The following ABLIM1 variants were observed in gnomAD, a reference collection of about 807,000 sequenced individuals.
The protein encoded by ABLIM1 is actin binding LIM protein 1.
ABLIM1 carries 40 observed loss-of-function variants against 107.0 expected under a neutral mutation model. The ratio of observed to expected loss-of-function variants is 0.37; its 90% CI spans 0.29 to 0.49. The LOEUF is 0.49. Among genes scored for constraint, ABLIM1 ranks in the 20% least tolerant of loss-of-function variants. The pLI is 0.97. For synonymous variants in ABLIM1, 357 were observed against 357.3 expected, an observed-to-expected ratio of 1.00 and a Z score of 0.01; for missense variants, 857 against 1,008.5, an observed-to-expected ratio of 0.85 and a Z score of 2.04.
At chr10:114,439,384 T>G in intron 20 of ABLIM1, 134 bp from the exon 21 acceptor site, 1 of 894,782 alleles carries the variant, frequency 1.1e-6, no homozygotes, top group East Asian at 2.6e-5. Flanking sequence ...TAAATGACCA[T>G]GTATTTTTCA....
intron 8 of ABLIM1, among the ~76,000 whole-genome samples, chr10:114,475,772 T>C (rs555988778): frequency 2.8e-4 from 43 of 152,320 alleles, no homozygotes; most frequent in East Asian, 7.7e-4. Flanking sequence ...AGGAAACTTA[T>C]GAACTAGGAT....
chr10:114,521,188 T>G (rs774795586), intron 6 of ABLIM1, among the ~76,000 whole-genome samples: 45 of 152,214 alleles, frequency 3.0e-4, no homozygotes, highest in Non-Finnish European at 5.6e-4. Context: ...GGTCAGGCAC[T>G]GGACACCTGA....
intron 1 of ABLIM1, chr10:114,632,005 C>G: frequency 7.7e-7 from 1 of 1,295,992 alleles, no homozygotes. Flanking sequence ...GACAGATCCG[C>G]GGGCGCTGGG....
At chr10:114,693,211 G>C (rs1369852479) in intron 1 of ABLIM1, among the ~76,000 whole-genome samples, 1 of 152,172 alleles carries the variant, frequency 6.6e-6, no homozygotes, top group East Asian at 1.9e-4. Flanking sequence ...TTCTGGGTCC[G>C]ACTTCCACCA....
chr10:114,436,354 A>G lies in ABLIM1; in HGVS notation c.2243T>C (p.Val748Ala). 1.9e-6 allele frequency: 3 copies of G among 1,613,694 alleles called. No individual in the cohort carries two copies. Among genetic ancestry groups the G allele is most frequent in the Non-Finnish European group, 2.5e-6 (3 of 1,179,832 alleles). ...TRLERHLAPE[V>A]FREIFGMSIQ... The stretch of plus-strand genomic sequence containing the variant: ...GGACATTCCAAAGATTTCCCGAAAC[A>G]CTTCAGGGGCTAAGTGGCGCTGGGA... The change falls in exon 23 of 23, where the codon GTG becomes GCG. Residue 748 changes from valine to alanine, a missense_variant. Around this residue, in one of 5 missense-constraint regions of ABLIM1, gnomAD observed 193 missense variants for 208.5 expected, o/e 0.93. Transcript: ENST00000533213.
intron 2 of ABLIM1, among the ~76,000 whole-genome samples, chr10:114,579,612 C>A (rs182287192): frequency 5.9e-5 from 9 of 151,994 alleles, no homozygotes; most frequent in Admixed American, 2.0e-4. Flanking sequence ...AAAAATTTAC[C>A]ATCTTAATCA....
the ABLIM1 span, among the ~76,000 whole-genome samples, chr10:114,774,387 G>T: frequency 6.6e-6 from 1 of 152,188 alleles, no homozygotes; most frequent in South Asian, 2.1e-4. Flanking sequence ...GAGCTCAGTG[G>T]TCTCACTGAG....
Position 114,545,094 on chromosome 10 carries a change from C to T in ABLIM1, c.805G>A (p.Gly269Ser). Residue 269 changes from glycine (G) to serine (S), a missense_variant, in exon 6 of 23, where the codon GGT (glycine) becomes AGT (serine). This residue lies in a region of ABLIM1 where 381 missense variants were observed against 506.9 expected (regional missense o/e 0.75). Transcript: ENST00000533213. ...VLTGEYISKD[G>S]APYCEKDYQG... ...TAGTCCTTTTCACAGTACGGAGCAC[C>T]ATCCCTGCAAGACAAAAACGTGTTC... 6.2e-7 allele frequency: 1 copy of T among 1,614,124 alleles called. No individual in the cohort carries two copies.
intron 4 of ABLIM1, among the ~76,000 whole-genome samples, chr10:114,563,425 T>C (rs1465142873): frequency 6.6e-6 from 1 of 152,208 alleles, no homozygotes; most frequent in Non-Finnish European, 1.5e-5. Flanking sequence ...GTTTTCATTT[T>C]CTTGGTAGTG....
chr10:114,472,714 C>T (rs2066829969), intron 10 of ABLIM1, among the ~76,000 whole-genome samples: 1 of 151,896 alleles, frequency 6.6e-6, no homozygotes, highest in Admixed American at 6.6e-5. Context: ...CAATCCCCAC[C>T]CCCTCCCCAC....
chr10:114,738,490 G>A (rs748561892), intron 1 of ABLIM1, among the ~76,000 whole-genome samples: 1 of 152,154 alleles, frequency 6.6e-6, no homozygotes, highest in Non-Finnish European at 1.5e-5. Context: ...ATGTGCACAA[G>A]ATCTAAAGCA....
At chr10:114,672,617 T>G (rs1260042300) in intron 1 of ABLIM1, among the ~76,000 whole-genome samples, 2 of 152,246 alleles carry the variant, frequency 1.3e-5, no homozygotes, top group Non-Finnish European at 2.9e-5. Context: ...GATGAACAAC[T>G]CCTAATGTTA....
Position 114,611,238 on chromosome 10 carries a change from G to A in ABLIM1, c.245-9277C>T, listed in dbSNP as rs187402709. ...TCCCAACATTTTGGGAGGCCAAGGC[G>A]GGTGGATCACCTGATGTCGGGAGTC... On this transcript the variant is annotated intron_variant, in intron 1 of 22. Transcript: ENST00000533213. Among the ~76,000 whole-genome samples the A allele has an allele frequency of 4.3e-3, 654 of 152,258 alleles. 6 individuals carry two copies. Among genetic ancestry groups the A allele is most frequent in the African/African-American group, 0.015 (623 of 41,554 alleles).
At chr10:114,610,426 G>C (rs1384798058) in intron 1 of ABLIM1, among the ~76,000 whole-genome samples, 1 of 152,142 alleles carries the variant, frequency 6.6e-6, no homozygotes, top group African/African-American at 2.4e-5. Flanking sequence ...CTACGTTTGA[G>C]AGAGACTGCT....
In ABLIM1 at chr10:114,563,686, CA is replaced by C. The variant is rs952623106; in HGVS notation, c.673+7610del. 7.6e-5 allele frequency among the ~76,000 whole-genome samples: 11 copies of C among 145,634 alleles called. 1 individual carries two copies. Among genetic ancestry groups the C allele is most frequent in the African/African-American group, 2.3e-4 (9 of 39,680 alleles). ...CCTGTCTCTACAAAAAATACACACG[CA>C]AAAAAAAAATTAGCCAGTCGTGGTG... On this transcript the variant is annotated intron_variant, in intron 4 of 22. Coordinates refer to ENST00000533213, the MANE Select transcript of ABLIM1 (RefSeq NM_002313.7).
intron 1 of ABLIM1, chr10:114,690,613 T>C (rs2081054707): frequency 1.2e-6 from 1 of 801,362 alleles, no homozygotes; most frequent in Non-Finnish European, 2.2e-6. Context: ...TTGATGGCAA[T>C]GTTGAAGAAC....
At chr10:114,794,412 G>A in the ABLIM1 span, among the ~76,000 whole-genome samples, 1 of 152,114 alleles carries the variant, frequency 6.6e-6, no homozygotes, top group African/African-American at 2.4e-5. Flanking sequence ...CACATAATAA[G>A]TACTCAGTAA....
At chr10:114,681,143 TA>T (rs1229512802) in intron 1 of ABLIM1, among the ~76,000 whole-genome samples, 2 of 152,220 alleles carry the variant, frequency 1.3e-5, no homozygotes, top group African/African-American at 4.8e-5. Flanking sequence ...CATTACCTTA[TA>T]TATGGAAAAT....
chr10:114,687,220 AATAAG>A (rs1227057273), upstream of ABLIM1, among the ~76,000 whole-genome samples: 2 of 152,242 alleles, frequency 1.3e-5, no homozygotes, highest in Non-Finnish European at 2.9e-5. Context: ...CTAAGAGATA[AATAAG>A]ATAAGAAGCA....
Sources: allele counts gnomAD v4.1 joint callset (sites outside exome capture counted in the v4.1 genomes callset), GRCh38; gene constraint gnomAD v4.1.1; regional missense constraint gnomAD v4.1.1; transcripts MANE v1.5; gene names NCBI Gene and HGNC (gene_info 2026-07-23, HGNC 2026-07-21).